Variants in RRM2B observed in about 807,000 individuals in gnomAD.
RRM2B encodes ribonucleotide reductase regulatory TP53 inducible subunit M2B.
RRM2B carries 20 observed loss-of-function variants against 45.9 expected under a neutral mutation model. The ratio of observed to expected loss-of-function variants is 0.44; its 90% CI spans 0.31 to 0.63. RRM2B has a LOEUF of 0.63. RRM2B is among the 30% of genes least tolerant of loss of function. The pLI, the probability that RRM2B is intolerant of heterozygous loss-of-function variation, is 0.09. For synonymous variants in RRM2B, 124 were observed against 132.3 expected (o/e 0.94, Z 0.43); for missense variants, 320 against 414.7 (o/e 0.77, Z 1.98).
intron 2 of RRM2B, among the ~76,000 whole-genome samples, chr8:102,229,415 C>G (rs1336989882): frequency 6.6e-6 from 1 of 152,220 alleles, no homozygotes; most frequent in Non-Finnish European, 1.5e-5. Flanking sequence ...TTGCTGAGCA[C>G]TTACTGCACA....
chr8:102,238,362 G>T, intron 1 of RRM2B: 1 of 388,844 alleles, frequency 2.6e-6, no homozygotes, highest in Non-Finnish European at 4.7e-6. Context: ...CCTTCTACCT[G>T]TCATCTTCAC....
At chr8:102,220,717 C>A (rs1024620303) in intron 5 of RRM2B, among the ~76,000 whole-genome samples, 51 of 152,190 alleles carry the variant, frequency 3.4e-4, no homozygotes, top group African/African-American at 1.2e-3. Flanking sequence ...ATTATAGGCA[C>A]AAGCCACTGT....
intron 5 of RRM2B, among the ~76,000 whole-genome samples, chr8:102,219,336 T>C (rs1810788419): frequency 1.3e-5 from 2 of 152,214 alleles, no homozygotes; most frequent in Admixed American, 1.3e-4. Flanking sequence ...TTATGACAAG[T>C]GTCTTCCTCT....
rs140164634 is a variant in RRM2B, at chr8:102,206,532, T to C, written c.*1601A>G. On this transcript the variant is annotated 3_prime_UTR_variant, in exon 9 of 9. Transcript: ENST00000251810. ...ACTCCCAGTTTTGATTAGATTGTTA[T>C]GGAAAGAATGGAGCCAAAATTTATG... The C allele has an allele frequency of 7.4e-4, 113 of 152,316 alleles. No homozygotes were observed. In the East Asian group the frequency reaches 0.019, roughly 26 times the overall value. The allele number at this position is 152,316 out of a possible 1,614,324, so 9.4% of individuals were successfully genotyped here. A position where few individuals can be genotyped will look rare whatever the true frequency, so the allele number is the denominator to read the frequency against.
chr8:102,226,617 G>A (rs1810937076), intron 2 of RRM2B, among the ~76,000 whole-genome samples: 1 of 152,130 alleles, frequency 6.6e-6, no homozygotes, highest in South Asian at 2.1e-4. Context: ...TATGGTGTTA[G>A]ATAATTAGGC....
intron 5 of RRM2B, among the ~76,000 whole-genome samples, chr8:102,221,976 G>A (rs1000568235): frequency 6.6e-6 from 1 of 152,070 alleles, no homozygotes; most frequent in African/African-American, 2.4e-5. Context: ...TCCCACCTGG[G>A]CCTCCTACAT....
intron 6 of RRM2B, among the ~76,000 whole-genome samples, chr8:102,215,129 C>T (rs577723366): frequency 6.7e-6 from 1 of 150,244 alleles, no homozygotes; most frequent in South Asian, 2.1e-4. Flanking sequence ...GATGGAATTC[C>T]CAGGCTGGGC....
intron 8 of RRM2B, among the ~76,000 whole-genome samples, chr8:102,209,087 T>C (rs1395078359): frequency 3.9e-5 from 6 of 152,038 alleles, no homozygotes; most frequent in Non-Finnish European, 8.8e-5. Flanking sequence ...GAGGCAGAGG[T>C]TGCAGTGAGC....
chr8:102,212,736 A>T (rs372461464), intron 8 of RRM2B, 40 bp downstream of exon 8: 11 of 1,033,612 alleles, frequency 1.1e-5, no homozygotes, highest in African/African-American at 1.6e-5. Context: ...GCTTTCCTAT[A>T]ATATTTTAAC....
Position 102,207,872 on chromosome 8 carries a change from C to T in RRM2B, c.*261G>A. 1 of 391,402 alleles carries T rather than the reference C, an allele frequency of 2.6e-6. No individual in the cohort carries two copies. 24.2% of individuals were successfully genotyped at this position (391,402 alleles called of 1,614,324 possible). Reference sequence around the variant, plus strand: ...TGGAGTAAGGGCAGAACCTTAGACTCATGTCTGACCCCTCGCCCCATGCTC... The same window carrying T: ...TGGAGTAAGGGCAGAACCTTAGACTTATGTCTGACCCCTCGCCCCATGCTC... On this transcript the variant is annotated 3_prime_UTR_variant, in exon 9 of 9. Coordinates refer to ENST00000251810, the MANE Select transcript of RRM2B (RefSeq NM_015713.5).
intron 5 of RRM2B, 34 bp downstream of exon 5, chr8:102,224,012 C>A (rs1236688127): frequency 1.4e-6 from 2 of 1,445,344 alleles, no homozygotes; most frequent in Non-Finnish European, 1.9e-6. Flanking sequence ...TCACCTTAGG[C>A]AAATCTGATC....
Position 102,218,818 on chromosome 8 carries a change from T to A in RRM2B, c.680A>T (p.Asp227Val), listed in dbSNP as rs1422185855. Residue 227 changes from aspartate (D) to valine (V), a missense_variant, in exon 6 of 9, where the codon GAT (aspartate) becomes GTT (valine). By Grantham distance (152) the Asp-to-Val change is radical. Coordinates refer to ENST00000251810, the MANE Select transcript of RRM2B (RefSeq NM_015713.5). ...LTFSNELISR[D>V]EGLHCDFACL... ...GAAAAACATTCCATTCCTTACTTCATCTCTGCTGATGAGTTCATTGGAAAA... is the reference window on the plus strand; with the variant it reads ...GAAAAACATTCCATTCCTTACTTCAACTCTGCTGATGAGTTCATTGGAAAA... 6.2e-7 allele frequency: 1 copy of A among 1,610,206 alleles called. No individual in the cohort carries two copies. The highest frequency in any genetic ancestry group is 8.5e-7 in the Non-Finnish European group (1 of 1,176,728).
Position 102,238,950 on chromosome 8 carries a change from A to C in RRM2B, c.-76T>G. 2.0e-6 allele frequency: 3 copies of C among 1,476,470 alleles called. No individual in the cohort carries two copies. Among genetic ancestry groups the C allele is most frequent in the Non-Finnish European group, 1.9e-6 (2 of 1,072,212 alleles). The allele number at this position is 1,476,470 out of a possible 1,614,324, so 91.5% of individuals were successfully genotyped here. The stretch of plus-strand genomic sequence containing the variant: ...GCCACCTCCAACTACGACAGCACCC[A>C]GGTGGTCCGCTGGTCCGCTGGGTCC... On this transcript the variant is annotated 5_prime_UTR_variant, in exon 1 of 9. Coordinates refer to ENST00000251810, the MANE Select transcript of RRM2B (RefSeq NM_015713.5).
At chr8:102,228,011 C>T (rs35558240) in intron 2 of RRM2B, among the ~76,000 whole-genome samples, 28,632 of 152,124 alleles carry the variant, frequency 0.19, 3,176 homozygotes, top group African/African-American at 0.29. Flanking sequence ...CCAGCGAGGA[C>T]TCCACCCTCA....
At position 102,214,164 on chromosome 8, in the gene RRM2B, A is replaced by C; in HGVS notation, c.685-6T>G. ...GCAAAGTCACAGTGAAGTCCCTAAA[A>C]GGGAAGAAAAATGTCATTGTCAAAT... On this transcript the variant is annotated splice_region_variant and splice_polypyrimidine_tract_variant and intron_variant, in intron 6 of 8. Coordinates refer to ENST00000251810, the MANE Select transcript of RRM2B (RefSeq NM_015713.5). 6.3e-7 allele frequency: 1 copy of C among 1,587,510 alleles called. No individual in the cohort carries two copies. The highest frequency in any genetic ancestry group is 8.6e-7 in the Non-Finnish European group (1 of 1,156,130).
chr8:102,233,718 G>A (rs982681626), intron 1 of RRM2B, among the ~76,000 whole-genome samples: 4 of 152,156 alleles, frequency 2.6e-5, no homozygotes, highest in African/African-American at 9.7e-5. Flanking sequence ...CTAATTTCCT[G>A]TGCTTCTTGA....
chr8:102,219,204 C>T (rs1810785634), intron 5 of RRM2B, among the ~76,000 whole-genome samples: 1 of 152,210 alleles, frequency 6.6e-6, no homozygotes, highest in African/African-American at 2.4e-5. Flanking sequence ...AAGGACCTTC[C>T]ATACTCAAAA....
chr8:102,223,125 T>TA (rs1269913368), intron 5 of RRM2B, among the ~76,000 whole-genome samples: 4 of 152,092 alleles, frequency 2.6e-5, no homozygotes, highest in Non-Finnish European at 2.9e-5. Context: ...GATGGGTACT[T>TA]AGAGCTATCC....
At position 102,218,838 on chromosome 8, in the gene RRM2B, G is replaced by T; in HGVS notation, c.660C>A (p.Ser220=). The part of the protein sequence containing the change: ...KRGLMPGLTF[S]NELISRDEGL... ...CTTCATCTCTGCTGATGAGTTCATT[G>T]GAAAAAGTGAGTCCTGGCATAAGAC... Residue 220 remains serine, a synonymous_variant, in exon 6 of 9, where the codon TCC becomes TCA. Transcript: ENST00000251810. 1 of 1,613,392 alleles carries T rather than the reference G, an allele frequency of 6.2e-7. No homozygotes were observed. Among genetic ancestry groups the T allele is most frequent in the Non-Finnish European group, 8.5e-7 (1 of 1,179,554 alleles).
Sources: allele counts gnomAD v4.1 joint callset (sites outside exome capture counted in the v4.1 genomes callset), GRCh38; gene constraint gnomAD v4.1.1; transcripts MANE v1.5; gene names NCBI Gene and HGNC (gene_info 2026-07-23, HGNC 2026-07-21).